The following ADAR variants were observed in gnomAD, a reference collection of about 807,000 sequenced individuals.
ADAR encodes double-stranded RNA-specific adenosine deaminase.
Under a neutral mutation model 113.2 loss-of-function variants are expected in ADAR, and 41 were observed. The ratio of observed to expected loss-of-function variants is 0.36; its 90% CI spans 0.28 to 0.47. The LOEUF (loss-of-function observed/expected upper bound fraction) is 0.47. Ranked by LOEUF, ADAR falls within the 20% of genes least tolerant of loss-of-function variation. ADAR has a pLI of 1.00. For synonymous variants in ADAR, 605 were observed against 572.6 expected, an observed-to-expected ratio of 1.06 and a Z score of -0.81; for missense variants, 1,242 against 1,540.9, an observed-to-expected ratio of 0.81 and a Z score of 3.25.
intron 1 of ADAR, among the ~76,000 whole-genome samples, chr1:154,603,559 C>T (rs75569100): frequency 3.5e-4 from 53 of 152,262 alleles, no homozygotes; most frequent in Non-Finnish European, 6.5e-4. Flanking sequence ...TGAACCCTGA[C>T]GGACAGGGCA....
intron 1 of ADAR, among the ~76,000 whole-genome samples, chr1:154,606,351 A>C (rs1248469854): frequency 6.6e-6 from 1 of 152,188 alleles, no homozygotes; most frequent in African/African-American, 2.4e-5. Context: ...ATTTTTTTAA[A>C]ATGTGTCATA....
exon 1 of ADAR, chr1:154,627,913 G>GGCCCCCCCCCCCCCCCCCCCCCCC: frequency 9.7e-6 from 5 of 517,136 alleles, no homozygotes; most frequent in South Asian, 1.4e-5. Context: ...GTGCGGCCGC[G>GGCCCCCCCCCCCCCCCCCCCCCCC]ACCCTCCCCC....
chr1:154,618,188 T>C (rs959247911), intron 1 of ADAR, among the ~76,000 whole-genome samples: 3 of 151,144 alleles, frequency 2.0e-5, no homozygotes, highest in Non-Finnish European at 1.5e-5. Flanking sequence ...ATATTCTTAA[T>C]AGCAAATAAA....
In ADAR at chr1:154,585,794, C is replaced by T. The variant is rs1229320747; in HGVS notation, c.3274G>A (p.Glu1092Lys). The T allele has an allele frequency of 1.9e-6, 3 of 1,614,034 alleles. No individual in the cohort carries two copies. The South Asian group carries it at 3.3e-5, about 18-fold the overall frequency. Residue 1092 changes from glutamate to lysine, a missense_variant, in exon 13 of 15, where the codon GAG (glutamate) becomes AAG (lysine). Glu to Lys is a moderately conservative substitution (Grantham distance 56, BLOSUM62 1). This residue lies in a region of ADAR where 780 missense variants were observed against 1,057.9 expected (regional missense o/e 0.74). Transcript: ENST00000368474. ...ATAAAGGGATGTCGTAGTCCATCCT[C>T]AAATGCACTCCCATCTCTTGTCACA... ...CRVTRDGSAFEDGLRHPFIVN... is the reference protein window; with the variant it reads ...CRVTRDGSAFKDGLRHPFIVN...
intron 13 of ADAR, 141 bp downstream of exon 13, chr1:154,585,612 G>A: frequency 2.3e-6 from 2 of 879,832 alleles, no homozygotes; most frequent in Admixed American, 2.2e-5. Flanking sequence ...TGTTGGTGGT[G>A]GGCCACTGTG....
chr1:154,601,308 C>G lies in ADAR; in HGVS notation c.1334G>C (p.Gly445Ala). The change falls in exon 2 of 15, where the codon GGG becomes GCG. Residue 445 changes from glycine (G) to alanine (A), a missense_variant. Gly to Ala is a moderately conservative substitution (Grantham distance 60). Transcript: ENST00000368474. This position sits in a 1 kb window ranked among gnomAD's most constrained non-coding sequence, Gnocchi z 4.7. ...CTGGCCATTTTCAAAGTCAACATACCCTGCTTTTGAGGGGCCATTGTAATG... is the reference window on the plus strand; with the variant it reads ...CTGGCCATTTTCAAAGTCAACATACGCTGCTTTTGAGGGGCCATTGTAATG... ...PVHYNGPSKA[G>A]YVDFENGQWA... 6.2e-7 allele frequency: 1 copy of G among 1,614,164 alleles called. No homozygotes were observed. The highest frequency in any genetic ancestry group is 1.1e-5 in the South Asian group (1 of 91,082).
intron 1 of ADAR, among the ~76,000 whole-genome samples, chr1:154,621,184 C>T (rs1258261501): frequency 6.6e-6 from 1 of 151,960 alleles, no homozygotes; most frequent in Non-Finnish European, 1.5e-5. Flanking sequence ...TTAATTAAAA[C>T]TGATTTTATT....
Position 154,607,735 on chromosome 1 carries a change from A to G in ADAR, c.15+257T>C, listed in dbSNP as rs561516155. On this transcript the variant is annotated intron_variant, in intron 1 of 14. Coordinates refer to ENST00000368474, the MANE Select transcript of ADAR (RefSeq NM_001111.5). ...GCTTGGCAAGACTACACACACACGC[A>G]CACACACACACACACACTCTCACAA... 0.058 allele frequency among the ~76,000 whole-genome samples: 4,579 copies of G among 79,616 alleles called. 262 individuals are homozygous for G. The highest frequency in any genetic ancestry group is 0.18 in the African/African-American group (4,340 of 24,478). 52.2% of individuals were successfully genotyped at this position (79,616 alleles called of 152,430 possible). A position where few individuals can be genotyped will look rare whatever the true frequency, so the allele number is the denominator to read the frequency against.
At chr1:154,596,720 C>T in intron 6 of ADAR, 85 bp downstream of exon 6, 2 of 1,525,308 alleles carry the variant, frequency 1.3e-6, no homozygotes, top group Admixed American at 1.7e-5. Flanking sequence ...CTGTCCTACA[C>T]AGCTAAAGCA....
Position 154,597,213 on chromosome 1 carries a change from G to A in ADAR, c.1989C>T (p.Pro663=), listed in dbSNP as rs1375965216. 1.9e-6 allele frequency: 3 copies of A among 1,614,126 alleles called. No homozygotes were observed. Among genetic ancestry groups the A allele is most frequent in the Non-Finnish European group, 1.7e-6 (2 of 1,180,008 alleles). The stretch of plus-strand genomic sequence containing the variant: ...CCATCTGCTTTGCCACTTTCTTGCT[G>A]GGAGCACTCACACTGGGGAAAGTTT... ...GAQTFPSVSA[P]SKKVAKQMAA... Residue 663 remains proline (P), a synonymous_variant, in exon 5 of 15, where the codon CCC becomes CCT. Coordinates refer to ENST00000368474, the MANE Select transcript of ADAR (RefSeq NM_001111.5).
At position 154,582,981 on chromosome 1, in the gene ADAR, CTTTGGTCAATT is replaced by C. The variant is rs1237230312; in HGVS notation, c.*1814_*1824del. 1 of 152,232 alleles carries C rather than the reference CTTTGGTCAATT, an allele frequency of 6.6e-6. No homozygotes were observed. The highest frequency in any genetic ancestry group is 1.5e-5 in the Non-Finnish European group (1 of 68,046). The allele number at this position is 152,232 out of a possible 1,614,324, so 9.4% of individuals were successfully genotyped here. On this transcript the variant is annotated 3_prime_UTR_variant, in exon 15 of 15. Transcript: ENST00000368474. ...TATTTTTAGAACTTGCATTTTCTTACTTTGGTCAATTTTTGGTCAAAAGTACAGAGAGCATA... is the reference window on the plus strand; with the variant it reads ...TATTTTTAGAACTTGCATTTTCTTACTTTGGTCAAAAGTACAGAGAGCATA...
chr1:154,601,100 G>A lies in ADAR; in HGVS notation c.1542C>T (p.Phe514=), dbSNP rs757137562. The A allele has an allele frequency of 5.6e-6, 9 of 1,614,062 alleles. No homozygotes were observed. Among genetic ancestry groups the A allele is most frequent in the East Asian group, 4.5e-5 (2 of 44,888 alleles). Residue 514 remains phenylalanine, a synonymous_variant, in exon 2 of 15, where the codon TTC becomes TTT. Transcript: ENST00000368474. The surrounding 1 kb of genome is among the most constrained non-coding windows in gnomAD (Gnocchi z 4.7). ...TGTTGAACTCACAGGTTTGACTAGC[G>A]AACTGGGCATATTCTAACAGCCCGC... The part of the protein sequence containing the change: ...PISGLLEYAQ[F]ASQTCEFNMI...
rs954415489 is a variant in ADAR, at chr1:154,583,007, CAG to C, written c.*1797_*1798del. 6.6e-6 allele frequency: 1 copy of C among 152,212 alleles called. No homozygotes were observed. Among genetic ancestry groups the C allele is most frequent in the African/African-American group, 2.4e-5 (1 of 41,434 alleles). 9.4% of individuals were successfully genotyped at this position (152,212 alleles called of 1,614,324 possible). ...TTTGGTCAATTTTTGGTCAAAAGTA[CAG>C]AGAGCATAGAATAAAAGCAAAGATG... On this transcript the variant is annotated 3_prime_UTR_variant, in exon 15 of 15. Coordinates refer to ENST00000368474, the MANE Select transcript of ADAR (RefSeq NM_001111.5).
rs1199393206 is a variant in ADAR at position 154,597,222 on chromosome 1, C to G, written c.1980G>C (p.Val660=). Residue 660 remains valine, a synonymous_variant, in exon 5 of 15, where the codon GTG becomes GTC. Transcript: ENST00000368474. ...VAVGAQTFPS[V]SAPSKKVAKQ... is the part of the protein sequence containing the mutation. ...TTGCCACTTTCTTGCTGGGAGCACT[C>G]ACACTGGGGAAAGTTTGGGCTCCCA... 1 of 1,614,184 alleles carries G rather than the reference C, an allele frequency of 6.2e-7. No individual in the cohort carries two copies. The highest frequency in any genetic ancestry group is 1.1e-5 in the South Asian group (1 of 91,078).
exon 1 of ADAR, chr1:154,627,913 G>GCCCCCC: frequency 3.9e-6 from 2 of 517,174 alleles, no homozygotes; most frequent in Non-Finnish European, 7.7e-6. Flanking sequence ...GTGCGGCCGC[G>GCCCCCC]ACCCTCCCCC....
exon 1 of ADAR, chr1:154,627,913 G>GGCCCTCCCCCC: frequency 1.9e-6 from 1 of 517,162 alleles, no homozygotes; most frequent in South Asian, 1.4e-5. Flanking sequence ...GTGCGGCCGC[G>GGCCCTCCCCCC]ACCCTCCCCC....
intron 1 of ADAR, among the ~76,000 whole-genome samples, chr1:154,613,456 T>G (rs1698546999): frequency 6.6e-6 from 1 of 151,804 alleles, no homozygotes; most frequent in Admixed American, 6.6e-5. Context: ...GGCTAATTTT[T>G]ATATTTTTAG....
intron 1 of ADAR, among the ~76,000 whole-genome samples, chr1:154,619,531 T>C (rs978481150): frequency 6.6e-6 from 1 of 152,248 alleles, no homozygotes; most frequent in Non-Finnish European, 1.5e-5. Flanking sequence ...CCTGTGATTT[T>C]ATTGGCTTTT....
chr1:154,585,512 C>G (rs1300886851), intron 13 of ADAR, 168 bp from the exon 14 acceptor site: 10 of 970,648 alleles, frequency 1.0e-5, no homozygotes, highest in Non-Finnish European at 1.6e-5. Context: ...ATACTAACTC[C>G]ACCTCGATTC....
Sources: allele counts gnomAD v4.1 joint callset (sites outside exome capture counted in the v4.1 genomes callset), GRCh38; gene constraint gnomAD v4.1.1; regional missense constraint gnomAD v4.1.1; non-coding constraint Gnocchi (gnomAD v3.1); transcripts MANE v1.5; gene names NCBI Gene and HGNC (gene_info 2026-07-23, HGNC 2026-07-21).